The following ZNF547 variants were observed in gnomAD, a reference collection of about 807,000 sequenced individuals.
ZNF547 encodes zinc finger protein 547.
A neutral mutation model predicts 7.7 loss-of-function variants in ZNF547; 4 were observed. That is an observed-to-expected ratio of 0.52 (90% CI 0.26 to 1.20). The LOEUF (loss-of-function observed/expected upper bound fraction) is 1.20, where lower values mean the gene tolerates loss of function less well. ZNF547 is among the 50% of genes most tolerant of loss of function. ZNF547 has a pLI of 0.14. For missense variants in ZNF547, 449 were observed against 485.8 expected (o/e 0.92, Z 0.71); for synonymous variants, 166 against 166.2 (o/e 1.00, Z 0.01).
In ZNF547 at chr19:57,368,536, T is replaced by C. The variant is rs1262613813; in HGVS notation, c.-12-8T>C. 9 of 1,614,036 alleles carry C rather than the reference T, an allele frequency of 5.6e-6. No homozygotes were observed. Among genetic ancestry groups the C allele is most frequent in the Non-Finnish European group, 5.9e-6 (7 of 1,179,882 alleles). On this transcript the variant is annotated splice_polypyrimidine_tract_variant and splice_region_variant and intron_variant, in intron 1 of 3. Transcript: ENST00000282282. ...TGCCCATTTCTCACGGTTTCCCTCT[T>C]CCTTCAGGGTCCCCTGGCGATGGCA...
At chr19:57,374,348 G>A (rs1600078231) in intron 3 of ZNF547, among the ~76,000 whole-genome samples, 1 of 152,208 alleles carries the variant, frequency 6.6e-6, no homozygotes, top group East Asian at 1.9e-4. Flanking sequence ...GCCAGCAGCT[G>A]GGATGCAGGG....
At chr19:57,372,792 G>A (rs1163734335) in intron 3 of ZNF547, among the ~76,000 whole-genome samples, 1 of 152,204 alleles carries the variant, frequency 6.6e-6, no homozygotes, top group Admixed American at 6.5e-5. Context: ...GTATTTGTCA[G>A]TAGTCCCTGA....
At chr19:57,377,021 A>G (rs1187954492) in intron 3 of ZNF547, 107 bp from the exon 4 acceptor site, 30 of 1,186,492 alleles carry the variant, frequency 2.5e-5, no homozygotes, top group Non-Finnish European at 3.3e-5. Context: ...CATGCCTGTC[A>G]CCAATTCCAT....
intron 1 of ZNF547, chr19:57,365,341 C>T: frequency 1.1e-6 from 1 of 949,162 alleles, no homozygotes; most frequent in Non-Finnish European, 1.6e-6. Flanking sequence ...GATTAAATAG[C>T]CTGGAAATCT....
rs1457591349 is a variant in ZNF547, at chr19:57,364,797, G to C, written c.-13+1094G>C. ...CGGAAACTGACATTGCGTTTCCGTT[G>C]TCGGCCTCCCGCTGCAGGAGCCATA... On this transcript the variant is annotated intron_variant, in intron 1 of 3. Coordinates refer to ENST00000282282, the MANE Select transcript of ZNF547 (RefSeq NM_173631.4). 2.6e-6 allele frequency: 4 copies of C among 1,535,672 alleles called. No homozygotes were observed. The African/African-American group carries it at 4.1e-5, about 16-fold the overall frequency.
intron 2 of ZNF547, among the ~76,000 whole-genome samples, chr19:57,370,299 G>T (rs1020748106): frequency 3.3e-5 from 5 of 152,192 alleles, no homozygotes; most frequent in Non-Finnish European, 7.3e-5. Context: ...TCCTCACATG[G>T]TTTGGGCACC....
intron 3 of ZNF547, among the ~76,000 whole-genome samples, chr19:57,372,317 G>A (rs1197635360): frequency 2.0e-5 from 3 of 152,330 alleles, no homozygotes; most frequent in South Asian, 2.1e-4. Context: ...TGTGTAGGAT[G>A]TAGAAATCTT....
intron 1 of ZNF547, among the ~76,000 whole-genome samples, chr19:57,366,335 C>A (rs559212924): frequency 6.6e-6 from 1 of 151,402 alleles, no homozygotes; most frequent in Admixed American, 6.6e-5. Context: ...GTTCTCCTTC[C>A]GCCTCCAGAG....
chr19:57,379,132 C>A lies in ZNF547; in HGVS notation c.*947C>A, dbSNP rs1027430862. Reference sequence around the variant, plus strand: ...CTGGCTATTGTGAATATTGCTACTACAAGCATAAGGGCACAAATATCTCTT... The same window carrying A: ...CTGGCTATTGTGAATATTGCTACTAAAAGCATAAGGGCACAAATATCTCTT... On this transcript the variant is annotated 3_prime_UTR_variant, in exon 4 of 4. Coordinates refer to ENST00000282282, the MANE Select transcript of ZNF547 (RefSeq NM_173631.4). 1 of 154,384 alleles carries A rather than the reference C, an allele frequency of 6.5e-6. No homozygotes were observed. The highest frequency in any genetic ancestry group is 2.4e-5 in the African/African-American group (1 of 41,462). 9.6% of individuals were successfully genotyped at this position (154,384 alleles called of 1,614,324 possible). A position where few individuals can be genotyped will look rare whatever the true frequency, so the allele number is the denominator to read the frequency against.
In ZNF547 at chr19:57,378,225, C is replaced by A; in HGVS notation, c.*40C>A. Reference sequence around the variant, plus strand: ...CAGTGGATATGGGAAAGCCTTCAGTCACCAACATATTGTGGCTGGACAGCA... The same window carrying A: ...CAGTGGATATGGGAAAGCCTTCAGTAACCAACATATTGTGGCTGGACAGCA... On this transcript the variant is annotated 3_prime_UTR_variant, in exon 4 of 4. Transcript: ENST00000282282. 1 of 1,553,242 alleles carries A rather than the reference C, an allele frequency of 6.4e-7. No individual in the cohort carries two copies. The highest frequency in any genetic ancestry group is 1.2e-5 in the South Asian group (1 of 84,092).
At chr19:57,367,200 G>A (rs937954005) in intron 1 of ZNF547, among the ~76,000 whole-genome samples, 1 of 152,178 alleles carries the variant, frequency 6.6e-6, no homozygotes, top group Admixed American at 6.5e-5. Flanking sequence ...ACCAGAGGGG[G>A]CTGGGAATTG....
At position 57,378,250 on chromosome 19, in the gene ZNF547, A is replaced by G. The variant is rs2088552083; in HGVS notation, c.*65A>G. 6.2e-6 allele frequency: 9 copies of G among 1,443,236 alleles called. No individual in the cohort carries two copies. Among genetic ancestry groups the G allele is most frequent in the Middle Eastern group, 1.8e-4 (1 of 5,672 alleles). 89.4% of individuals were successfully genotyped at this position (1,443,236 alleles called of 1,614,324 possible). A position where few individuals can be genotyped will look rare whatever the true frequency, so the allele number is the denominator to read the frequency against. On this transcript the variant is annotated 3_prime_UTR_variant, in exon 4 of 4. Coordinates refer to ENST00000282282, the MANE Select transcript of ZNF547 (RefSeq NM_173631.4). ...CACCAACATATTGTGGCTGGACAGC[A>G]GGCAGTACACACTGGAGAAAGACTG...
At position 57,378,320 on chromosome 19, in the gene ZNF547, G is replaced by T. The variant is rs1484717622; in HGVS notation, c.*135G>T. ...ATTATGTAGGTACAGCTCTCCAGTC[G>T]CTATGTATCAGAGAATTCACACTGC... On this transcript the variant is annotated 3_prime_UTR_variant, in exon 4 of 4. Transcript: ENST00000282282. 2.5e-6 allele frequency: 2 copies of T among 815,576 alleles called. No individual in the cohort carries two copies. Among genetic ancestry groups the T allele is most frequent in the Admixed American group, 2.2e-5 (1 of 46,050 alleles). 50.5% of individuals were successfully genotyped at this position (815,576 alleles called of 1,614,324 possible).
chr19:57,375,473 G>A (rs1033651909), intron 3 of ZNF547, among the ~76,000 whole-genome samples: 8 of 151,740 alleles, frequency 5.3e-5, no homozygotes, highest in Admixed American at 2.6e-4. Context: ...CCAACATGGC[G>A]AAACCCCGTC....
At chr19:57,368,682 T>A in intron 2 of ZNF547, 103 bp downstream of exon 2, 2 of 1,120,236 alleles carry the variant, frequency 1.8e-6, no homozygotes, top group Non-Finnish European at 2.7e-6. Flanking sequence ...CTTTCTGTCT[T>A]TCTCCCTCTC....
intron 3 of ZNF547, among the ~76,000 whole-genome samples, chr19:57,372,404 CTG>C (rs1211374375): frequency 6.6e-6 from 1 of 152,188 alleles, no homozygotes; most frequent in Non-Finnish European, 1.5e-5. Context: ...TTGTCTCTTT[CTG>C]TGTCTTTCCC....
rs1389196249 is a variant in ZNF547, at chr19:57,378,273, CTGAA to C, written c.*91_*94del. On this transcript the variant is annotated 3_prime_UTR_variant, in exon 4 of 4. Coordinates refer to ENST00000282282, the MANE Select transcript of ZNF547 (RefSeq NM_173631.4). ...GCAGGCAGTACACACTGGAGAAAGA[CTGAA>C]TGCCGTGAACGTGGGTAATTATGTA... 4.9e-6 allele frequency: 6 copies of C among 1,233,894 alleles called. No individual in the cohort carries two copies. The highest frequency in any genetic ancestry group is 3.0e-5 in the African/African-American group (2 of 66,934). 76.4% of individuals were successfully genotyped at this position (1,233,894 alleles called of 1,614,324 possible).
chr19:57,377,205 C>G lies in ZNF547; in HGVS notation c.229C>G (p.Pro77Ala), dbSNP rs377518505. The G allele has an allele frequency of 6.2e-6, 10 of 1,614,178 alleles. No homozygotes were observed. Among genetic ancestry groups the G allele is most frequent in the Non-Finnish European group, 8.5e-6 (10 of 1,180,040 alleles). Residue 77 changes from proline to alanine, a missense_variant, in exon 4 of 4, where the codon CCA (proline) becomes GCA (alanine). By Grantham distance (27) the Pro-to-Ala change is conservative. Coordinates refer to ENST00000282282, the MANE Select transcript of ZNF547 (RefSeq NM_173631.4). ...VSVGVSQVMA[P>A]KPCLSTQNTQ... ...TGTAGGAGTGTCACAGGTCATGGCT[C>G]CAAAGCCCTGTCTATCTACCCAGAA...
intron 2 of ZNF547, among the ~76,000 whole-genome samples, chr19:57,369,451 T>A (rs1332187423): frequency 6.6e-6 from 1 of 152,158 alleles, no homozygotes; most frequent in Non-Finnish European, 1.5e-5. Flanking sequence ...AGACTCCTGG[T>A]GGAGGAGTTC....
Sources: gnomAD v4.1 joint callset for allele counts (sites outside exome capture counted in the v4.1 genomes callset) on GRCh38, gnomAD v4.1.1 for gene constraint, MANE v1.5 for transcripts, NCBI Gene and HGNC (gene_info 2026-07-23, HGNC 2026-07-21) for gene names.